The following ZFHX3 variants were observed in gnomAD, a reference collection of about 807,000 sequenced individuals.
ZFHX3 encodes the protein zinc finger homeobox 3.
ZFHX3 carries 42 observed loss-of-function variants against 279.1 expected under a neutral mutation model. That is an observed-to-expected ratio of 0.15 (90% CI 0.12 to 0.19). ZFHX3 has a LOEUF of 0.19. Among genes scored for constraint, ZFHX3 ranks in the 10% least tolerant of loss-of-function variants. The pLI is 1.00. For missense variants in ZFHX3, 4,981 were observed against 4,754.0 expected (o/e 1.05, Z -1.40); for synonymous variants, 2,293 against 1,957.8 (o/e 1.17, Z -4.52).
chr16:73,184,803 T>A (rs1234719929), intron 5 of ZFHX3, among the ~76,000 whole-genome samples: 1 of 152,208 alleles, frequency 6.6e-6, no homozygotes, highest in Non-Finnish European at 1.5e-5. Context: ...CCTGAAAACA[T>A]AATTGTTCCC....
At chr16:73,228,811 A>G (rs1370971292) in intron 5 of ZFHX3, among the ~76,000 whole-genome samples, 1 of 152,192 alleles carries the variant, frequency 6.6e-6, no homozygotes, top group African/African-American at 2.4e-5. Context: ...ACGTGGTCTC[A>G]TTTCTCATGA....
upstream of ZFHX3, among the ~76,000 whole-genome samples, chr16:73,063,238 T>C (rs542179725): frequency 6.6e-6 from 1 of 152,356 alleles, no homozygotes; most frequent in East Asian, 1.9e-4. Context: ...GCTCTCATCC[T>C]GGAGCGAGGT....
intron 3 of ZFHX3, among the ~76,000 whole-genome samples, chr16:72,922,099 G>A (rs545692157): frequency 5.3e-5 from 8 of 152,160 alleles, no homozygotes; most frequent in East Asian, 3.9e-4. Flanking sequence ...CTGAGTCACC[G>A]AAACAGCAGA....
At chr16:73,830,409 TC>T (rs1173035013) in intron 1 of ZFHX3, among the ~76,000 whole-genome samples, 4 of 152,104 alleles carry the variant, frequency 2.6e-5, no homozygotes, top group African/African-American at 9.7e-5. Context: ...CTGTTCCTAT[TC>T]GGCCATCTTG....
In ZFHX3 at chr16:73,880,945, C is replaced by A. The variant is rs376029925; in HGVS notation, c.-1608+10706G>T. 7.2e-5 allele frequency among the ~76,000 whole-genome samples: 11 copies of A among 152,256 alleles called. 1 individual carries two copies. The highest frequency in any genetic ancestry group is 1.9e-4 in the East Asian group (1 of 5,182). Reference sequence around the variant, plus strand: ...GAAGAGTATGAACACATTTTTAACACTTGACATTTTCTAATATTCTGAAAT... The same window carrying A: ...GAAGAGTATGAACACATTTTTAACAATTGACATTTTCTAATATTCTGAAAT... On this transcript the variant is annotated intron_variant, in intron 1 of 17. Transcript: ENST00000641206.
At chr16:73,121,308 AT>A (rs1966495996) in intron 7 of ZFHX3, among the ~76,000 whole-genome samples, 1 of 152,180 alleles carries the variant, frequency 6.6e-6, no homozygotes, top group South Asian at 2.1e-4. Context: ...CTCATTAATA[AT>A]TTTTACATTG....
intron 1 of ZFHX3, among the ~76,000 whole-genome samples, chr16:73,888,778 T>C (rs1458980671): frequency 6.6e-6 from 1 of 152,052 alleles, no homozygotes; most frequent in Non-Finnish European, 1.5e-5. Flanking sequence ...GGGCTAAGTG[T>C]AAGCAGAAAC....
intron 2 of ZFHX3, among the ~76,000 whole-genome samples, chr16:73,470,550 A>C (rs2018648589): frequency 6.6e-6 from 1 of 152,220 alleles, no homozygotes; most frequent in Admixed American, 6.5e-5. Context: ...TCGAGAAAAC[A>C]GTGATAGTCC....
intron 4 of ZFHX3, among the ~76,000 whole-genome samples, chr16:73,316,655 A>T (rs1163696836): frequency 6.6e-6 from 1 of 152,282 alleles, no homozygotes; most frequent in East Asian, 1.9e-4. Flanking sequence ...CCACTCCACT[A>T]GATCTAGTAC....
At chr16:73,023,741 T>C (rs953606408) in intron 1 of ZFHX3, among the ~76,000 whole-genome samples, 1 of 152,178 alleles carries the variant, frequency 6.6e-6, no homozygotes, top group African/African-American at 2.4e-5. Flanking sequence ...AAAGGCTTCA[T>C]GTCATCTTGC....
At chr16:73,127,104 A>T (rs1966582128) in intron 7 of ZFHX3, 1 of 280,216 alleles carries the variant, frequency 3.6e-6, no homozygotes, top group African/African-American at 2.2e-5. Context: ...AATCCACCTG[A>T]AATGAATTAG....
At chr16:73,427,439 G>A (rs1317357701) in intron 3 of ZFHX3, among the ~76,000 whole-genome samples, 4 of 152,066 alleles carry the variant, frequency 2.6e-5, no homozygotes, top group East Asian at 1.9e-4. Context: ...CACCCAGCTC[G>A]CTAACGGCAG....
chr16:73,598,496 C>T (rs1170934264), intron 2 of ZFHX3, among the ~76,000 whole-genome samples: 4 of 151,116 alleles, frequency 2.6e-5, no homozygotes, highest in African/African-American at 9.7e-5. Flanking sequence ...TGACTCACTA[C>T]AGCCTCAAAC....
At position 72,954,528 on chromosome 16, in the gene ZFHX3, G is replaced by A. The variant is rs1340207220; in HGVS notation, c.2719+2899C>T. 3.3e-5 allele frequency among the ~76,000 whole-genome samples: 5 copies of A among 152,126 alleles called. No homozygotes were observed. The East Asian group carries it at 9.6e-4, about 29-fold the overall frequency. ...GAGCCCACCCATCAGCACATCCTCA[G>A]GAAGGTGCATGGATTCAAAGGCACA... On this transcript the variant is annotated intron_variant, in intron 2 of 9. Transcript: ENST00000268489.
intron 1 of ZFHX3, among the ~76,000 whole-genome samples, chr16:73,011,924 G>A (rs974869209): frequency 6.6e-6 from 1 of 152,060 alleles, no homozygotes; most frequent in Admixed American, 6.5e-5. Context: ...TTTCTATCGA[G>A]GGGTAGAAGC....
chr16:73,269,890 A>C (rs2014092990), intron 4 of ZFHX3, among the ~76,000 whole-genome samples: 1 of 151,942 alleles, frequency 6.6e-6, no homozygotes, highest in South Asian at 2.1e-4. Context: ...CTGGAATAAG[A>C]GGTGTGCGCC....
At chr16:72,789,417 G>C (rs2035603190) in intron 9 of ZFHX3, 1 of 152,338 alleles carries the variant, frequency 6.6e-6, no homozygotes, top group African/African-American at 2.4e-5. Context: ...TTCTAGCTGG[G>C]GCCCATTTGC....
rs1292211543 is a variant in ZFHX3, at chr16:72,889,768, C to A, written c.3411G>T (p.Gln1137His). The part of the protein sequence containing the change: ...GLPEEDEDLG[Q>H]IFTIRRCPST... ...AGGGGCACCTGCGGATGGTGAAGAT[C>A]TGCCCCAGGTCCTCGTCCTCCTCTG... Residue 1137 changes from glutamine to histidine, a missense_variant, in exon 4 of 10, where the codon CAG becomes CAT. Physicochemically the swap from Gln to His is conservative, Grantham distance 24 (BLOSUM62 0). Coordinates refer to ENST00000268489, the MANE Select transcript of ZFHX3 (RefSeq NM_006885.4). 1 of 1,613,050 alleles carries A rather than the reference C, an allele frequency of 6.2e-7. No individual in the cohort carries two copies. The highest frequency in any genetic ancestry group is 2.2e-5 in the East Asian group (1 of 44,866).
rs146588209 is a variant in ZFHX3 at position 73,473,098 on chromosome 16, T to A, written c.-1546-16840A>T. On this transcript the variant is annotated intron_variant, in intron 2 of 17. Transcript: ENST00000641206. ...GCTCATGCCTCTATTCCCACCACTT[T>A]GGGAGGCTGAGGTAGGAGGATCACT... Among the ~76,000 whole-genome samples, 1,343 of 151,774 alleles carry A rather than the reference T, an allele frequency of 8.8e-3. 18 individuals are homozygous for A. Among genetic ancestry groups the A allele is most frequent in the African/African-American group, 0.031 (1,268 of 41,404 alleles).
Sources: gnomAD v4.1 joint callset for allele counts (sites outside exome capture counted in the v4.1 genomes callset) on GRCh38, gnomAD v4.1.1 for gene constraint, MANE v1.5 for transcripts, NCBI Gene and HGNC (gene_info 2026-07-23, HGNC 2026-07-21) for gene names.